CLIP1: variants seen among roughly 807,000 people sequenced by gnomAD.
The protein encoded by CLIP1 is CAP-Gly domain-containing linker protein 1.
Under a neutral mutation model 161.6 loss-of-function variants are expected in CLIP1, and 66 were observed. That is an observed-to-expected ratio of 0.41 (90% CI 0.33 to 0.50). CLIP1 has a LOEUF of 0.50. CLIP1 is among the 20% of genes least tolerant of loss of function. The pLI is 0.27. For missense variants in CLIP1, 1,376 were observed against 1,702.0 expected (o/e 0.81, Z 3.37); for synonymous variants, 598 against 626.2 (o/e 0.96, Z 0.67).
At chr12:122,289,884 C>G (rs58515379) in intron 20 of CLIP1, among the ~76,000 whole-genome samples, 1 of 151,596 alleles carries the variant, frequency 6.6e-6, no homozygotes, top group Admixed American at 6.6e-5. Flanking sequence ...TCTCGGCTCA[C>G]TGCAACCTCT....
rs1481727661 is a variant in CLIP1, at chr12:122,380,471, C to A, written c.-19G>T. 1 of 1,548,954 alleles carries A rather than the reference C, an allele frequency of 6.5e-7. No homozygotes were observed. The highest frequency in any genetic ancestry group is 8.9e-7 in the Non-Finnish European group (1 of 1,123,638). On this transcript the variant is annotated 5_prime_UTR_variant, in exon 2 of 26. Transcript: ENST00000620786. ...TACTCATTTTCTTTGTATGTCAGAG[C>A]TGTTTCTCCTTTGCCTGTTGCCACT...
intron 3 of CLIP1, among the ~76,000 whole-genome samples, chr12:122,369,338 A>G (rs1384276988): frequency 6.6e-6 from 1 of 152,052 alleles, no homozygotes; most frequent in Admixed American, 6.6e-5. Context: ...GATTACCTCA[A>G]GTAATATAAT....
In CLIP1 at chr12:122,354,551, G is replaced by A; in HGVS notation, c.1209C>T (p.Val403=). The change falls in exon 7 of 26, where the codon GTC becomes GTT. Residue 403 remains valine (V), a synonymous_variant. Coordinates refer to ENST00000620786, the MANE Select transcript of CLIP1 (RefSeq NM_001247997.2). The stretch of plus-strand genomic sequence containing the variant: ...GGTCCATTTTGGCTTCCAATTCCAG[G>A]ACATGCTGGGGAAGGCAAGAATGTC... ...ALARDGHDQH[V]LELEAKMDQL... The A allele has an allele frequency of 6.2e-7, 1 of 1,613,110 alleles. No individual in the cohort carries two copies. Among genetic ancestry groups the A allele is most frequent in the Non-Finnish European group, 8.5e-7 (1 of 1,179,240 alleles).
chr12:122,294,541 C>A (rs532361513), intron 20 of CLIP1, among the ~76,000 whole-genome samples: 31 of 152,038 alleles, frequency 2.0e-4, no homozygotes, highest in African/African-American at 7.0e-4. Context: ...GGCAGGATGA[C>A]CACTTGAGCC....
At chr12:122,299,960 G>C (rs1344749461) in intron 20 of CLIP1, among the ~76,000 whole-genome samples, 2 of 149,556 alleles carry the variant, frequency 1.3e-5, no homozygotes, top group South Asian at 4.3e-4. Context: ...CTTCCACTTA[G>C]AAATAACCAC....
Position 122,386,450 on chromosome 12 carries a change from G to A in CLIP1, c.-106-5892C>T, listed in dbSNP as rs186097913. The stretch of plus-strand genomic sequence containing the variant: ...TCTCTTGAAAAGAGACAGTGAGTCC[G>A]TGGAGCAGGTACACCATTGTTATGG... On this transcript the variant is annotated intron_variant, in intron 1 of 25. Coordinates refer to ENST00000620786, the MANE Select transcript of CLIP1 (RefSeq NM_001247997.2). 1.1e-3 allele frequency among the ~76,000 whole-genome samples: 170 copies of A among 152,274 alleles called. 1 individual carries two copies. Among genetic ancestry groups the A allele is most frequent in the African/African-American group, 3.8e-3 (160 of 41,560 alleles).
At chr12:122,357,832 G>A (rs1233608575) in intron 5 of CLIP1, among the ~76,000 whole-genome samples, 20 of 149,850 alleles carry the variant, frequency 1.3e-4, no homozygotes, top group Non-Finnish European at 2.5e-4. Flanking sequence ...TCAGCCCCCC[G>A]CCCGGCCAGC....
In CLIP1 at chr12:122,293,566, C is replaced by T. The variant is rs1346650344; in HGVS notation, c.3595-5025G>A. On this transcript the variant is annotated intron_variant, in intron 20 of 25. Transcript: ENST00000620786. ...CAATCTCGGCTCACTGCAACCTGTG[C>T]CTCCTGGGTTCAAGCGATTCTCCTG... Among the ~76,000 whole-genome samples the T allele has an allele frequency of 2.6e-5, 4 of 151,700 alleles. No individual in the cohort carries two copies. In the South Asian group the frequency reaches 6.2e-4, roughly 24 times the overall value.
chr12:122,403,876 C>T lies in CLIP1; in HGVS notation c.-107+18645G>A, dbSNP rs79888456. 1.3e-3 allele frequency among the ~76,000 whole-genome samples: 194 copies of T among 152,140 alleles called. 1 individual carries two copies. Among genetic ancestry groups the T allele is most frequent in the African/African-American group, 4.6e-3 (190 of 41,504 alleles). ...ACACCTGGGAAACTTGTTAGTCTTC[C>T]GAATAAGATACAGAACACTCCTTGT... On this transcript the variant is annotated intron_variant, in intron 1 of 25. Coordinates refer to ENST00000620786, the MANE Select transcript of CLIP1 (RefSeq NM_001247997.2).
chr12:122,365,746 G>A, intron 3 of CLIP1: 1 of 616,626 alleles, frequency 1.6e-6, no homozygotes, highest in Non-Finnish European at 2.8e-6. Context: ...AGTGGTTCAT[G>A]CCTGTAATCT....
intron 11 of CLIP1, among the ~76,000 whole-genome samples, chr12:122,338,014 C>CAAA (rs546569199): frequency 1.8e-5 from 2 of 111,230 alleles, no homozygotes; most frequent in South Asian, 5.6e-4. Flanking sequence ...GACTCTGTCT[C>CAAA]AAAAAAAAAA....
intron 19 of CLIP1, 55 bp downstream of exon 19, chr12:122,316,694 A>AG: frequency 9.2e-7 from 1 of 1,088,126 alleles, no homozygotes; most frequent in Non-Finnish European, 1.3e-6. Flanking sequence ...CATTGTGTTC[A>AG]CATTTTCAAT....
At chr12:122,278,384 G>A in intron 23 of CLIP1, 181 bp from the exon 24 acceptor site, 1 of 632,972 alleles carries the variant, frequency 1.6e-6, no homozygotes, top group Non-Finnish European at 2.7e-6. Context: ...ACCCTACAGG[G>A]TCTCACAGAC....
chr12:122,333,532 G>A (rs1566129998), intron 14 of CLIP1, among the ~76,000 whole-genome samples: 1 of 152,198 alleles, frequency 6.6e-6, no homozygotes, highest in Non-Finnish European at 1.5e-5. Context: ...GGAGTGGAAT[G>A]AACAGGGGAA....
intron 12 of CLIP1, among the ~76,000 whole-genome samples, chr12:122,335,872 C>T (rs914776099): frequency 6.6e-6 from 1 of 151,958 alleles, no homozygotes; most frequent in Non-Finnish European, 1.5e-5. Flanking sequence ...TAATGAACAG[C>T]GAAGAGGAAG....
At chr12:122,400,103 C>T (rs1956090201) in intron 1 of CLIP1, 1 of 152,138 alleles carries the variant, frequency 6.6e-6, no homozygotes, top group Admixed American at 6.6e-5. Flanking sequence ...AACCTGAGCT[C>T]CTCGGCTTGA....
At chr12:122,352,817 A>G (rs776189608) in intron 7 of CLIP1, 31 bp from the exon 8 acceptor site, 1 of 1,570,790 alleles carries the variant, frequency 6.4e-7, no homozygotes, top group Non-Finnish European at 8.8e-7. Flanking sequence ...AAAACACTTA[A>G]GAAACTAAGT....
rs149691135 is a variant in CLIP1, at chr12:122,380,563, A to C, written c.-106-5T>G. The C allele has an allele frequency of 1.4e-5, 8 of 566,560 alleles. No individual in the cohort carries two copies. The East Asian group carries it at 2.4e-4, about 17-fold the overall frequency. The allele number at this position is 566,560 out of a possible 1,614,324, so 35.1% of individuals were successfully genotyped here. A position where few individuals can be genotyped will look rare whatever the true frequency, so the allele number is the denominator to read the frequency against. On this transcript the variant is annotated splice_region_variant and splice_polypyrimidine_tract_variant and intron_variant, in intron 1 of 25. Transcript: ENST00000620786. ...AAGTCAGTCTCTGGATTAAATCTGCAAAGAGAAAGAAATAAAAAGATTTTA... is the reference window on the plus strand; with the variant it reads ...AAGTCAGTCTCTGGATTAAATCTGCCAAGAGAAAGAAATAAAAAGATTTTA...
intron 21 of CLIP1, among the ~76,000 whole-genome samples, chr12:122,286,710 T>A (rs960790601): frequency 6.7e-6 from 1 of 149,036 alleles, no homozygotes; most frequent in East Asian, 2.0e-4. Flanking sequence ...TAAAAAAAAA[T>A]TTTTAAAGCC....
Sources: allele counts gnomAD v4.1 joint callset (sites outside exome capture counted in the v4.1 genomes callset), GRCh38; gene constraint gnomAD v4.1.1; transcripts MANE v1.5; gene names NCBI Gene and HGNC (gene_info 2026-07-23, HGNC 2026-07-21).